FAF1: variants seen among roughly 807,000 people sequenced by gnomAD.
The protein encoded by FAF1 is FAS-associated factor 1.
In FAF1, 25 loss-of-function variants were observed where a neutral mutation model predicts 92.5. That is an observed-to-expected ratio of 0.27 (90% CI 0.20 to 0.38). The LOEUF is 0.38. Ranked by LOEUF, FAF1 falls within the 10% of genes least tolerant of loss-of-function variation. The pLI, the probability that FAF1 is intolerant of heterozygous loss-of-function variation, is 1.00. For synonymous variants in FAF1, 234 were observed against 273.2 expected (o/e 0.86, Z 1.42); for missense variants, 636 against 793.3 (o/e 0.80, Z 2.38).
At chr1:50,846,956 C>A (rs1419062889) in intron 2 of FAF1, 3 of 218,138 alleles carry the variant, frequency 1.4e-5, no homozygotes, top group Non-Finnish European at 2.7e-5. Flanking sequence ...ATTGCAGGTG[C>A]TGTTTGATTT....
chr1:50,592,364 C>G (rs1251779293), intron 9 of FAF1, among the ~76,000 whole-genome samples: 1 of 152,014 alleles, frequency 6.6e-6, no homozygotes, highest in Non-Finnish European at 1.5e-5. Flanking sequence ...CAACAAGGCC[C>G]CCACACTGTC....
intron 15 of FAF1, among the ~76,000 whole-genome samples, chr1:50,508,194 A>G (rs920583960): frequency 6.6e-6 from 1 of 152,224 alleles, no homozygotes; most frequent in Non-Finnish European, 1.5e-5. Flanking sequence ...AAAAAGTTAA[A>G]CATAGAATTA....
At chr1:50,908,776 A>G (rs973245996) in intron 1 of FAF1, among the ~76,000 whole-genome samples, 2 of 151,922 alleles carry the variant, frequency 1.3e-5, no homozygotes, top group African/African-American at 2.4e-5. Flanking sequence ...GTCTCTGCAC[A>G]TGAGATGGGT....
At chr1:50,563,715 T>C (rs3789584) in intron 13 of FAF1, among the ~76,000 whole-genome samples, 73,488 of 152,022 alleles carry the variant, frequency 0.48, 19,649 homozygotes, top group African/African-American at 0.7. Context: ...ATGAATAAGC[T>C]CTTCAGGAGA....
intron 8 of FAF1, among the ~76,000 whole-genome samples, chr1:50,603,983 G>T (rs1187222065): frequency 1.3e-5 from 2 of 152,172 alleles, no homozygotes; most frequent in African/African-American, 4.8e-5. Context: ...TGGCAAGTTG[G>T]TAAAGTTTAA....
chr1:50,789,252 C>T (rs1661479658), intron 3 of FAF1, among the ~76,000 whole-genome samples: 1 of 152,182 alleles, frequency 6.6e-6, no homozygotes, highest in Admixed American at 6.5e-5. Context: ...TCAAATCTCT[C>T]CCTTCTTAAA....
At position 50,645,823 on chromosome 1, in the gene FAF1, G is replaced by A. The variant is rs746396342; in HGVS notation, c.744+9619C>T. On this transcript the variant is annotated intron_variant, in intron 8 of 18. Transcript: ENST00000396153. ...AGCCTGGGGGACAGAGTGAGACTCCGTCTAAAAAAAGAAAAAAAAAAGGAA... is the reference window on the plus strand; with the variant it reads ...AGCCTGGGGGACAGAGTGAGACTCCATCTAAAAAAAGAAAAAAAAAAGGAA... 7.1e-5 allele frequency among the ~76,000 whole-genome samples: 10 copies of A among 140,088 alleles called. No individual in the cohort carries two copies. The South Asian group carries it at 1.1e-3, about 16-fold the overall frequency. The allele number at this position is 140,088 out of a possible 152,430, so 91.9% of individuals were successfully genotyped here.
At chr1:50,789,503 ATACC>A (rs1242171263) in intron 3 of FAF1, among the ~76,000 whole-genome samples, 1 of 152,132 alleles carries the variant, frequency 6.6e-6, no homozygotes, top group Admixed American at 6.5e-5. Context: ...TTCATCCCAC[ATACC>A]TAATCAGTCC....
chr1:50,941,602 C>T (rs1645133711), intron 1 of FAF1, among the ~76,000 whole-genome samples: 1 of 152,192 alleles, frequency 6.6e-6, no homozygotes. Flanking sequence ...AATCGATCCT[C>T]CCACCTTGGC....
chr1:50,683,303 G>C (rs1324128260), intron 7 of FAF1, among the ~76,000 whole-genome samples: 1 of 151,902 alleles, frequency 6.6e-6, no homozygotes, highest in East Asian at 1.9e-4. Flanking sequence ...GATGCAGGTG[G>C]ATCACTTGAG....
chr1:50,863,624 T>C (rs1644454029), intron 1 of FAF1, among the ~76,000 whole-genome samples: 1 of 152,112 alleles, frequency 6.6e-6, no homozygotes, highest in South Asian at 2.1e-4. Context: ...TTGAGGATTC[T>C]TGAATCAATG....
At chr1:50,612,458 C>A (rs2124141829) in intron 8 of FAF1, 1 of 1,097,992 alleles carries the variant, frequency 9.1e-7, no homozygotes, top group African/African-American at 1.7e-5. Context: ...AACCACAGAA[C>A]CTTCAAATAT....
chr1:50,959,745 G>C (rs374156944), intron 1 of FAF1, 22 bp downstream of exon 1: 1 of 1,596,744 alleles, frequency 6.3e-7, no homozygotes, highest in Admixed American at 1.7e-5. Context: ...AAGTGGGAGG[G>C]GAAGAGGGCC....
At chr1:50,673,891 G>A (rs949403143) in intron 7 of FAF1, among the ~76,000 whole-genome samples, 2 of 151,392 alleles carry the variant, frequency 1.3e-5, no homozygotes, top group Non-Finnish European at 2.9e-5. Flanking sequence ...TAAACTGAGG[G>A]TCCCAAACTC....
Position 50,544,420 on chromosome 1 carries a change from C to T in FAF1, c.1269-4692G>A, listed in dbSNP as rs12068846. Among the ~76,000 whole-genome samples the T allele has an allele frequency of 5.3e-3, 811 of 152,172 alleles. 9 individuals carry two copies. Among genetic ancestry groups the T allele is most frequent in the African/African-American group, 0.019 (773 of 41,526 alleles). Reference sequence around the variant, plus strand: ...GAGTCAGGAAACAGCCTTTTTAATACGTCTCCAACCCCACCCCAGGTAATT... The same window carrying T: ...GAGTCAGGAAACAGCCTTTTTAATATGTCTCCAACCCCACCCCAGGTAATT... On this transcript the variant is annotated intron_variant, in intron 13 of 18. Coordinates refer to ENST00000396153, the MANE Select transcript of FAF1 (RefSeq NM_007051.3).
At chr1:50,751,162 A>G (rs1659850667) in intron 4 of FAF1, among the ~76,000 whole-genome samples, 1 of 148,812 alleles carries the variant, frequency 6.7e-6, no homozygotes, top group Admixed American at 6.7e-5. Context: ...AAAAAAAAAA[A>G]GAGCTAAACT....
At chr1:50,688,240 T>A (rs1035148147) in intron 7 of FAF1, among the ~76,000 whole-genome samples, 6 of 152,156 alleles carry the variant, frequency 3.9e-5, no homozygotes, top group Non-Finnish European at 8.8e-5. Context: ...CTGTTCTGCA[T>A]TGCTGGAGGA....
chr1:50,821,091 T>A (rs192699786), intron 2 of FAF1, among the ~76,000 whole-genome samples: 4 of 152,294 alleles, frequency 2.6e-5, no homozygotes, highest in African/African-American at 9.6e-5. Flanking sequence ...ATCTATAAAA[T>A]GGAGGAAATA....
intron 8 of FAF1, among the ~76,000 whole-genome samples, chr1:50,636,638 G>A (rs1311799780): frequency 6.6e-6 from 1 of 152,032 alleles, no homozygotes; most frequent in Non-Finnish European, 1.5e-5. Flanking sequence ...TTACAGGCGT[G>A]AGCCACCGCG....
Sources: gnomAD v4.1 joint callset for allele counts (sites outside exome capture counted in the v4.1 genomes callset) on GRCh38, gnomAD v4.1.1 for gene constraint, MANE v1.5 for transcripts, NCBI Gene and HGNC (gene_info 2026-07-23, HGNC 2026-07-21) for gene names.